Variants in GLIPR1L1 observed in about 807,000 individuals in gnomAD.
The protein encoded by GLIPR1L1 is GLIPR1-like protein 1.
Under a neutral mutation model 29.9 loss-of-function variants are expected in GLIPR1L1, and 26 were observed. The ratio of observed to expected loss-of-function variants is 0.87; its 90% CI spans 0.64 to 1.21. The LOEUF is 1.21. GLIPR1L1 is among the 50% of genes most tolerant of loss of function. The probability of loss-of-function intolerance (pLI) is 0.00; values close to 1 mark genes in which losing one functional copy is unlikely to be tolerated. For synonymous variants in GLIPR1L1, 77 were observed against 97.5 expected (o/e 0.79, Z 1.24); for missense variants, 305 against 290.3 (o/e 1.05, Z -0.37).
intron 1 of GLIPR1L1, among the ~76,000 whole-genome samples, chr12:75,343,221 A>T (rs2042233270): frequency 6.6e-6 from 1 of 152,040 alleles, no homozygotes; most frequent in African/African-American, 2.4e-5. Flanking sequence ...ATCTTGAGGG[A>T]AAGTTTTAGT....
At position 75,370,166 on chromosome 12, in the gene GLIPR1L1, G is replaced by T; in HGVS notation, c.719G>T (p.Arg240Ile). ...TTCAGCTTAGGTTTTCTTCTTCTGA[G>T]AATCTTTTAATGTCATTTATATACA... ...NPFSLGFLLL[R>I]IF The change falls in exon 6 of 6, where the codon AGA becomes ATA. Residue 240 changes from arginine (R) to isoleucine (I), a missense_variant. By Grantham distance (97) the Arg-to-Ile change is moderately conservative. Coordinates refer to ENST00000378695, the MANE Select transcript of GLIPR1L1 (RefSeq NM_001304964.2). 3 of 1,534,136 alleles carry T rather than the reference G, an allele frequency of 2.0e-6. No individual in the cohort carries two copies. The highest frequency in any genetic ancestry group is 2.7e-6 in the Non-Finnish European group (3 of 1,109,752).
chr12:75,343,443 A>T (rs558287837), intron 1 of GLIPR1L1, among the ~76,000 whole-genome samples: 3 of 152,070 alleles, frequency 2.0e-5, no homozygotes, highest in Admixed American at 2.0e-4. Flanking sequence ...TTGTTTAGTG[A>T]CTCTAATGTA....
chr12:75,364,727 CCTTTTAAG>C (rs2043850239), intron 4 of GLIPR1L1: 1 of 152,176 alleles, frequency 6.6e-6, no homozygotes, highest in Non-Finnish European at 1.5e-5. Flanking sequence ...ATTATTAAAA[CCTTTTAAG>C]CTAAGGAATT....
intron 4 of GLIPR1L1, chr12:75,364,888 A>T (rs950374819): frequency 2.0e-5 from 3 of 152,152 alleles, no homozygotes; most frequent in African/African-American, 7.2e-5. Flanking sequence ...GGGTATCTTT[A>T]TATTCTTTCA....
At chr12:75,355,070 G>C (rs986607401) in intron 3 of GLIPR1L1, among the ~76,000 whole-genome samples, 1 of 152,122 alleles carries the variant, frequency 6.6e-6, no homozygotes, top group African/African-American at 2.4e-5. Flanking sequence ...ATAGGCATGG[G>C]CAAACGTTTC....
intron 4 of GLIPR1L1, among the ~76,000 whole-genome samples, chr12:75,365,601 A>G (rs1011209341): frequency 6.6e-6 from 1 of 152,156 alleles, no homozygotes; most frequent in Admixed American, 6.5e-5. Flanking sequence ...CCAGAGAGTT[A>G]ATGAATATAC....
At position 75,334,875 on chromosome 12, in the gene GLIPR1L1, C is replaced by T; in HGVS notation, c.147C>T (p.Asn49=). 1.2e-6 allele frequency: 2 copies of T among 1,614,062 alleles called. No homozygotes were observed. The highest frequency in any genetic ancestry group is 2.2e-5 in the South Asian group (2 of 91,070). The stretch of plus-strand genomic sequence containing the variant: ...ACAACGAATGGCGTGGCAAAGTCAA[C>T]CCTCCCGCGGCCGACATGAAATACA... ...EAHNEWRGKV[N]PPAADMKYMI... is the part of the protein sequence containing the mutation. Residue 49 remains asparagine (N), a synonymous_variant, in exon 1 of 6, where the codon AAC becomes AAT. Coordinates refer to ENST00000378695, the MANE Select transcript of GLIPR1L1 (RefSeq NM_001304964.2).
At chr12:75,363,892 A>G (rs887825153) in intron 4 of GLIPR1L1, among the ~76,000 whole-genome samples, 1 of 152,188 alleles carries the variant, frequency 6.6e-6, no homozygotes, top group African/African-American at 2.4e-5. Context: ...AGTTCTGTCC[A>G]GAAAGGCAAG....
chr12:75,335,895 T>C (rs2041702272), intron 1 of GLIPR1L1, among the ~76,000 whole-genome samples: 1 of 152,146 alleles, frequency 6.6e-6, no homozygotes, highest in East Asian at 1.9e-4. Flanking sequence ...ATATGGTTGA[T>C]GCCTTTAGAG....
At chr12:75,368,316 T>C (rs1156570868) in intron 4 of GLIPR1L1, among the ~76,000 whole-genome samples, 2 of 151,786 alleles carry the variant, frequency 1.3e-5, no homozygotes, top group Non-Finnish European at 2.9e-5. Flanking sequence ...TCCTGCATTT[T>C]TCATTATTTT....
At chr12:75,354,490 A>G (rs1653575777) in intron 3 of GLIPR1L1, among the ~76,000 whole-genome samples, 1 of 152,230 alleles carries the variant, frequency 6.6e-6, no homozygotes, top group Admixed American at 6.5e-5. Context: ...GAAGGCACAA[A>G]CAAATGAAAA....
intron 3 of GLIPR1L1, among the ~76,000 whole-genome samples, chr12:75,362,035 A>G (rs1593820186): frequency 6.6e-6 from 1 of 152,198 alleles, no homozygotes; most frequent in Non-Finnish European, 1.5e-5. Context: ...CATTAAAATT[A>G]AAAATAACTA....
At chr12:75,357,484 G>A (rs1309842074) in intron 3 of GLIPR1L1, among the ~76,000 whole-genome samples, 2 of 152,028 alleles carry the variant, frequency 1.3e-5, no homozygotes, top group African/African-American at 4.8e-5. Context: ...TAGGGATATA[G>A]AGTTGAACAC....
intron 3 of GLIPR1L1, among the ~76,000 whole-genome samples, chr12:75,355,939 GGC>G (rs1236314058): frequency 6.6e-6 from 1 of 152,108 alleles, no homozygotes; most frequent in East Asian, 1.9e-4. Context: ...GGGAACGCTT[GGC>G]CACACAAAGG....
intron 3 of GLIPR1L1, among the ~76,000 whole-genome samples, chr12:75,358,004 G>A (rs1319381889): frequency 6.8e-6 from 1 of 147,116 alleles, no homozygotes. Flanking sequence ...AAAAATAAAA[G>A]CATACATAAA....
At chr12:75,342,300 AG>A (rs1318476031) in intron 1 of GLIPR1L1, among the ~76,000 whole-genome samples, 3 of 152,212 alleles carry the variant, frequency 2.0e-5, no homozygotes, top group Non-Finnish European at 4.4e-5. Context: ...AATCTTTAAA[AG>A]GTCTGTAGAT....
intron 1 of GLIPR1L1, among the ~76,000 whole-genome samples, chr12:75,342,501 T>C (rs1034496659): frequency 6.6e-6 from 1 of 152,224 alleles, no homozygotes; most frequent in African/African-American, 2.4e-5. Flanking sequence ...ATTAAGACTG[T>C]TGCTTTTGTG....
At chr12:75,347,170 G>T in intron 2 of GLIPR1L1, among the ~76,000 whole-genome samples, 1 of 151,740 alleles carries the variant, frequency 6.6e-6, no homozygotes, top group East Asian at 1.9e-4. Flanking sequence ...ACTTGACAAA[G>T]GTAAGAATAT....
intron 3 of GLIPR1L1, among the ~76,000 whole-genome samples, chr12:75,350,811 T>G (rs1381915338): frequency 1.3e-5 from 2 of 151,986 alleles, no homozygotes; most frequent in Non-Finnish European, 2.9e-5. Flanking sequence ...TCACAACACA[T>G]CTCCAGCAAG....
Sources: gnomAD v4.1 joint callset for allele counts (sites outside exome capture counted in the v4.1 genomes callset) on GRCh38, gnomAD v4.1.1 for gene constraint, MANE v1.5 for transcripts, NCBI Gene and HGNC (gene_info 2026-07-23, HGNC 2026-07-21) for gene names.